The following MAML3 variants were observed in gnomAD, a reference collection of about 807,000 sequenced individuals.
The protein encoded by MAML3 is mastermind-like protein 3.
MAML3 carries 27 observed loss-of-function variants against 101.9 expected under a neutral mutation model. That is an observed-to-expected ratio of 0.27 (90% CI 0.20 to 0.37). MAML3 has a LOEUF of 0.37. Among genes scored for constraint, MAML3 ranks in the 10% least tolerant of loss-of-function variants. The pLI, the probability that MAML3 is intolerant of heterozygous loss-of-function variation, is 1.00. For missense variants in MAML3, 1,316 were observed against 1,444.9 expected (o/e 0.91, Z 1.45); for synonymous variants, 501 against 555.9 (o/e 0.90, Z 1.39).
At chr4:139,801,875 C>T (rs1730616571) in intron 2 of MAML3, among the ~76,000 whole-genome samples, 1 of 152,134 alleles carries the variant, frequency 6.6e-6, no homozygotes, top group South Asian at 2.1e-4. Context: ...AAGTACAGGG[C>T]AGGCTGCTGT....
chr4:140,113,520 C>T (rs1443590867), intron 1 of MAML3, among the ~76,000 whole-genome samples: 1 of 152,132 alleles, frequency 6.6e-6, no homozygotes, highest in African/African-American at 2.4e-5. Flanking sequence ...CCAGTCAGCC[C>T]TTCCACTGTT....
intron 2 of MAML3, among the ~76,000 whole-genome samples, chr4:139,809,495 C>T (rs2111110595): frequency 6.6e-6 from 1 of 152,336 alleles, no homozygotes; most frequent in East Asian, 1.9e-4. Context: ...ACAAAGGCCC[C>T]TTCCAACGTA....
At chr4:139,938,232 C>T (rs1733542529) in intron 1 of MAML3, among the ~76,000 whole-genome samples, 1 of 152,150 alleles carries the variant, frequency 6.6e-6, no homozygotes, top group Non-Finnish European at 1.5e-5. Flanking sequence ...ATACTAAGGA[C>T]TGGGAGAAAG....
chr4:139,868,617 T>C (rs554748600), intron 2 of MAML3, among the ~76,000 whole-genome samples: 8 of 152,318 alleles, frequency 5.3e-5, no homozygotes, highest in African/African-American at 1.9e-4. Flanking sequence ...GCCGCGGTCT[T>C]CTCATATATA....
intron 1 of MAML3, among the ~76,000 whole-genome samples, chr4:139,900,045 G>A (rs1034301191): frequency 2.1e-4 from 26 of 125,512 alleles, no homozygotes; most frequent in African/African-American, 7.4e-4. Flanking sequence ...AAGGGACTAC[G>A]GGGGCACCGC....
intron 1 of MAML3, among the ~76,000 whole-genome samples, chr4:139,956,449 G>A (rs1333461083): frequency 2.0e-5 from 3 of 152,198 alleles, no homozygotes; most frequent in Non-Finnish European, 2.9e-5. Flanking sequence ...AGAATAATTT[G>A]TAATCTTTAA....
At chr4:139,898,422 GA>G (rs1732653215) in intron 1 of MAML3, among the ~76,000 whole-genome samples, 1 of 152,140 alleles carries the variant, frequency 6.6e-6, no homozygotes, top group Non-Finnish European at 1.5e-5. Flanking sequence ...GACTTTAAGC[GA>G]CATTACCATG....
intron 2 of MAML3, among the ~76,000 whole-genome samples, chr4:139,789,459 G>C (rs1207874198): frequency 6.6e-6 from 1 of 152,162 alleles, no homozygotes. Context: ...TCTAGAAAGA[G>C]GGATCCTCAT....
intron 2 of MAML3, among the ~76,000 whole-genome samples, chr4:139,753,387 T>TCTA (rs34452187): frequency 2.0e-5 from 3 of 150,654 alleles, no homozygotes; most frequent in Non-Finnish European, 4.4e-5. Flanking sequence ...TATCTATCTA[T>TCTA]TTTTTGTTAG....
intron 2 of MAML3, among the ~76,000 whole-genome samples, chr4:139,829,991 A>T (rs562973040): frequency 6.6e-6 from 1 of 152,360 alleles, no homozygotes; most frequent in African/African-American, 2.4e-5. Flanking sequence ...GCTGGGAAAG[A>T]GAAGCTAGAG....
In MAML3 at chr4:139,994,647, GAC is replaced by G. The variant is rs372377040; in HGVS notation, c.469-103682_469-103681del. 6.5e-3 allele frequency among the ~76,000 whole-genome samples: 997 copies of G among 152,296 alleles called. 13 individuals are homozygous for G. Among genetic ancestry groups the G allele is most frequent in the African/African-American group, 0.023 (950 of 41,558 alleles). On this transcript the variant is annotated intron_variant, in intron 1 of 4. Transcript: ENST00000509479. ...TGCACTCCAGCCTGGGCAACAGAGA[GAC>G]ACCCAGTCTCTAAATTAAATGAATG... is the stretch of plus-strand genomic sequence containing the variant.
chr4:140,153,128 A>G lies in MAML3; in HGVS notation c.200T>C (p.Val67Ala). Residue 67 changes from valine to alanine, a missense_variant, in exon 1 of 5, where the codon GTT becomes GCT. Val to Ala is a moderately conservative substitution (Grantham distance 64). Coordinates refer to ENST00000509479, the MANE Select transcript of MAML3 (RefSeq NM_018717.5). ...SGGPGGGSAA[V>A]PKHSTVVERL... is the part of the protein sequence containing the mutation. The stretch of plus-strand genomic sequence containing the variant: ...CTCCACCACGGTGCTGTGCTTGGGA[A>G]CGGCCGCCGAACCGCCGCCGGGGCC... 6.5e-7 allele frequency: 1 copy of G among 1,550,060 alleles called. No homozygotes were observed. The highest frequency in any genetic ancestry group is 8.7e-7 in the Non-Finnish European group (1 of 1,146,708).
chr4:139,764,587 T>A (rs1269236288), intron 2 of MAML3, among the ~76,000 whole-genome samples: 1 of 152,176 alleles, frequency 6.6e-6, no homozygotes, highest in Non-Finnish European at 1.5e-5. Context: ...GCTGTGCAGA[T>A]CTAGTGAGCT....
chr4:139,873,842 G>A (rs1246465997), intron 2 of MAML3, among the ~76,000 whole-genome samples: 1 of 152,204 alleles, frequency 6.6e-6, no homozygotes, highest in East Asian at 1.9e-4. Context: ...ACCCAGCTAA[G>A]CTGCTCCTGC....
chr4:139,941,517 C>A (rs6536588), intron 1 of MAML3, among the ~76,000 whole-genome samples: 2 of 151,582 alleles, frequency 1.3e-5, no homozygotes, highest in Non-Finnish European at 2.9e-5. Flanking sequence ...AAGTTAATAA[C>A]CCTAATGTGT....
At chr4:139,786,420 C>A (rs1730304967) in intron 2 of MAML3, among the ~76,000 whole-genome samples, 1 of 152,186 alleles carries the variant, frequency 6.6e-6, no homozygotes, top group South Asian at 2.1e-4. Context: ...TGATATATGG[C>A]TTATGAAGAG....
At chr4:139,857,261 C>T (rs540382605) in intron 2 of MAML3, among the ~76,000 whole-genome samples, 3 of 152,204 alleles carry the variant, frequency 2.0e-5, no homozygotes, top group Non-Finnish European at 4.4e-5. Flanking sequence ...CCCAGCCAAG[C>T]GGAAGGTCTG....
At chr4:139,994,352 T>G (rs372489401) in intron 1 of MAML3, among the ~76,000 whole-genome samples, 2 of 152,346 alleles carry the variant, frequency 1.3e-5, no homozygotes, top group East Asian at 3.9e-4. Flanking sequence ...AATTTAACTT[T>G]CAGATTGTTT....
intron 2 of MAML3, among the ~76,000 whole-genome samples, chr4:139,762,061 A>C (rs1214064365): frequency 1.3e-5 from 2 of 152,208 alleles, no homozygotes; most frequent in South Asian, 4.1e-4. Context: ...AGGAGCTTCT[A>C]TGCCACATGC....
Sources: gnomAD v4.1 joint callset for allele counts (sites outside exome capture counted in the v4.1 genomes callset) on GRCh38, gnomAD v4.1.1 for gene constraint, MANE v1.5 for transcripts, NCBI Gene and HGNC (gene_info 2026-07-23, HGNC 2026-07-21) for gene names.